The following LARP1 variants were observed in gnomAD, a reference collection of about 807,000 sequenced individuals.
LARP1 encodes the protein la-related protein 1.
Under a neutral mutation model 122.7 loss-of-function variants are expected in LARP1, and 36 were observed. The ratio of observed to expected loss-of-function variants is 0.29; its 90% CI spans 0.22 to 0.39. The LOEUF is 0.39. Among genes scored for constraint, LARP1 ranks in the 10% least tolerant of loss-of-function variants. LARP1 has a pLI of 1.00. For missense variants in LARP1, 1,040 were observed against 1,403.6 expected, an observed-to-expected ratio of 0.74 and a Z score of 4.14; for synonymous variants, 539 against 528.7, an observed-to-expected ratio of 1.02 and a Z score of -0.27.
intron 4 of LARP1, among the ~76,000 whole-genome samples, chr5:154,793,391 G>A (rs1169335718): frequency 2.0e-5 from 3 of 152,150 alleles, no homozygotes; most frequent in African/African-American, 2.4e-5. Flanking sequence ...GGGAGTTAAC[G>A]AGGAGTCTCT....
intron 1 of LARP1, among the ~76,000 whole-genome samples, chr5:154,721,881 A>G (rs753471043): frequency 2.6e-5 from 4 of 152,126 alleles, no homozygotes; most frequent in African/African-American, 4.8e-5. Flanking sequence ...GACAAACCAG[A>G]TATTCCCTGT....
At chr5:154,799,341 A>G (rs1204790814) in intron 8 of LARP1, among the ~76,000 whole-genome samples, 1 of 152,196 alleles carries the variant, frequency 6.6e-6, no homozygotes. Flanking sequence ...TGTTCTCTAG[A>G]GCAGATTACT....
intron 1 of LARP1, among the ~76,000 whole-genome samples, chr5:154,715,238 A>G (rs895150226): frequency 6.7e-6 from 1 of 149,864 alleles, no homozygotes; most frequent in African/African-American, 2.5e-5. Context: ...CATGTTAGCC[A>G]GTCCCCTGCT....
At chr5:154,801,672 T>C (rs535290235) in intron 10 of LARP1, among the ~76,000 whole-genome samples, 1 of 152,366 alleles carries the variant, frequency 6.6e-6, no homozygotes, top group South Asian at 2.1e-4. Flanking sequence ...ATCAACCTGC[T>C]GAACTTCTGT....
At chr5:154,715,759 G>A (rs916827017) in intron 1 of LARP1, among the ~76,000 whole-genome samples, 2 of 152,126 alleles carry the variant, frequency 1.3e-5, no homozygotes, top group Non-Finnish European at 2.9e-5. Context: ...TGAAGTGAAT[G>A]GACTAGGGAG....
At position 154,690,665 on chromosome 5, in the gene LARP1, G is replaced by A. The variant is rs971401204; in HGVS notation, c.-180+7628G>A. Among the ~76,000 whole-genome samples the A allele has an allele frequency of 1.7e-4, 26 of 152,194 alleles. 1 individual carries two copies. Reference sequence around the variant, plus strand: ...TGGCTGAGCAGCAGGCGGAGGCTTTGTACCCCCAGCTGCGGAGAGCAGGGA... The same window carrying A: ...TGGCTGAGCAGCAGGCGGAGGCTTTATACCCCCAGCTGCGGAGAGCAGGGA... On this transcript the variant is annotated intron_variant, in intron 1 of 18. Coordinates refer to the LARP1 transcript ENST00000687700.
intron 1 of LARP1, among the ~76,000 whole-genome samples, chr5:154,716,510 G>A (rs1377266705): frequency 1.3e-5 from 2 of 152,110 alleles, no homozygotes; most frequent in Admixed American, 6.5e-5. Context: ...GTGCAGTGGA[G>A]CCATCTCGGC....
At chr5:154,691,279 AG>A (rs1277028269) in intron 1 of LARP1, among the ~76,000 whole-genome samples, 7 of 151,068 alleles carry the variant, frequency 4.6e-5, no homozygotes, top group East Asian at 1.9e-4. Flanking sequence ...AAAAAAAGAA[AG>A]AAAGTATCAG....
chr5:154,805,814 G>A (rs894325487), intron 14 of LARP1, 67 bp from the exon 15 acceptor site: 4 of 1,532,588 alleles, frequency 2.6e-6, no homozygotes, highest in Non-Finnish European at 3.5e-6. Context: ...GGATCAGAGG[G>A]ACCCCTCCTG....
At chr5:154,731,570 C>G (rs1433770759) in intron 1 of LARP1, among the ~76,000 whole-genome samples, 1 of 152,122 alleles carries the variant, frequency 6.6e-6, no homozygotes, top group Non-Finnish European at 1.5e-5. Flanking sequence ...ATTAGCAGCT[C>G]ACATTTCTCA....
intron 1 of LARP1, among the ~76,000 whole-genome samples, chr5:154,749,560 C>T (rs1456333874): frequency 6.6e-6 from 1 of 152,166 alleles, no homozygotes; most frequent in African/African-American, 2.4e-5. Flanking sequence ...ATCTCCTTCA[C>T]AGGAGGAGAT....
chr5:154,734,687 C>T (rs373353838), intron 1 of LARP1, among the ~76,000 whole-genome samples: 2 of 152,094 alleles, frequency 1.3e-5, no homozygotes, highest in African/African-American at 4.8e-5. Flanking sequence ...GTAAGAGATA[C>T]ATAAAATTTA....
chr5:154,803,690 G>A lies in LARP1; in HGVS notation c.2384G>A (p.Ser795Asn), dbSNP rs750450784. ...CGGACACCACAGCTCAAAGACTCAA[G>A]CCAGACATCACGGTTTTACCCAGTG... ...TPRTPQLKDS[S>N]QTSRFYPVVK... The change falls in exon 13 of 19, where the codon AGC (serine) becomes AAC (asparagine). Residue 795 changes from serine to asparagine, a missense_variant. This residue lies in a region of LARP1 where 362 missense variants were observed against 533.1 expected (regional missense o/e 0.68). Transcript: ENST00000518297. This position sits in a 1 kb window ranked among gnomAD's most constrained non-coding sequence, Gnocchi z 4.4. 1.9e-6 allele frequency: 3 copies of A among 1,614,178 alleles called. No individual in the cohort carries two copies. In the South Asian group the frequency reaches 3.3e-5, roughly 18 times the overall value.
At chr5:154,797,094 T>C (rs1757923172) in intron 8 of LARP1, among the ~76,000 whole-genome samples, 1 of 152,116 alleles carries the variant, frequency 6.6e-6, no homozygotes. Context: ...TGGGAAATGG[T>C]ATTTAGATAC....
At chr5:154,736,380 G>A (rs1756898285) in intron 1 of LARP1, among the ~76,000 whole-genome samples, 1 of 151,798 alleles carries the variant, frequency 6.6e-6, no homozygotes, top group South Asian at 2.1e-4. Flanking sequence ...ACAGGCATGA[G>A]CCACTGTGCC....
At chr5:154,752,086 A>G (rs1753531835), upstream of LARP1, among the ~76,000 whole-genome samples, 1 of 152,162 alleles carries the variant, frequency 6.6e-6, no homozygotes, top group Non-Finnish European at 1.5e-5. Context: ...TTAGGATTAC[A>G]GGTGTGAGTC....
Position 154,811,632 on chromosome 5 carries a change from C to A in LARP1, c.3073C>A (p.Arg1025=). The change falls in exon 18 of 19, where the codon CGA becomes AGA. Residue 1025 remains arginine (R), a synonymous_variant. Coordinates refer to ENST00000518297, the MANE Select transcript of LARP1 (RefSeq NM_033551.3). ...LGKFRRLEDF[R]VDPPMGEEGN... ...CAAATTCCGACGTCTTGAAGACTTCCGAGTAGATGTAAGTGAAACTCTTTC... is the reference window on the plus strand; with the variant it reads ...CAAATTCCGACGTCTTGAAGACTTCAGAGTAGATGTAAGTGAAACTCTTTC... 1.9e-6 allele frequency: 3 copies of A among 1,614,130 alleles called. No homozygotes were observed. The African/African-American group carries it at 4.0e-5, about 22-fold the overall frequency.
rs10677648 is a variant in LARP1 at position 154,688,653 on chromosome 5, CAAA to C, written c.-180+5637_-180+5639del. 2.1e-4 allele frequency among the ~76,000 whole-genome samples: 17 copies of C among 79,444 alleles called. No homozygotes were observed. The South Asian group carries it at 6.9e-3, about 32-fold the overall frequency. 52.1% of individuals were successfully genotyped at this position (79,444 alleles called of 152,430 possible). ...TGGGCGGCAGAGGAAGACTCCATCTCAAAAAAAAAAAAAAAAAAAAAAATTAGC... is the reference window on the plus strand; with the variant it reads ...TGGGCGGCAGAGGAAGACTCCATCTCAAAAAAAAAAAAAAAAAAAATTAGC... On this transcript the variant is annotated intron_variant, in intron 1 of 18. Transcript: ENST00000687700.
At chr5:154,733,017 G>T (rs1465713315) in intron 1 of LARP1, among the ~76,000 whole-genome samples, 1 of 152,172 alleles carries the variant, frequency 6.6e-6, no homozygotes, top group Non-Finnish European at 1.5e-5. Context: ...GGCGAAAAAG[G>T]TGAGTGTCTC....
Sources: allele counts gnomAD v4.1 joint callset (sites outside exome capture counted in the v4.1 genomes callset), GRCh38; gene constraint gnomAD v4.1.1; regional missense constraint gnomAD v4.1.1; non-coding constraint Gnocchi (gnomAD v3.1); transcripts MANE v1.5; gene names NCBI Gene and HGNC (gene_info 2026-07-23, HGNC 2026-07-21).